TUSC3: variants seen among roughly 807,000 people sequenced by gnomAD.
The protein encoded by TUSC3 is dolichyl-diphosphooligosaccharide--protein glycosyltransferase subunit TUSC3.
Under a neutral mutation model 44.8 loss-of-function variants are expected in TUSC3, and 45 were observed. The observed-to-expected ratio is 1.00, with a 90% CI of 0.79 to 1.29. TUSC3 has a LOEUF of 1.29. TUSC3 is among the 50% of genes most tolerant of loss of function. TUSC3 has a pLI of 0.00. For synonymous variants in TUSC3, 212 were observed against 152.9 expected (o/e 1.39, Z -2.85); for missense variants, 519 against 437.9 (o/e 1.19, Z -1.65).
At chr8:15,721,909 A>G (rs1427021935) in intron 6 of TUSC3, among the ~76,000 whole-genome samples, 1 of 151,984 alleles carries the variant, frequency 6.6e-6, no homozygotes, top group Non-Finnish European at 1.5e-5. Context: ...GTATATATAT[A>G]CAAATATATA....
chr8:15,464,051 C>G (rs4831724), intron 1 of TUSC3, among the ~76,000 whole-genome samples: 41,190 of 152,064 alleles, frequency 0.27, 6,070 homozygotes, highest in Admixed American at 0.35. Context: ...GTCTATCAAA[C>G]TGTACTCTAA....
At chr8:15,624,306 A>T (rs1805392545) in intron 2 of TUSC3, among the ~76,000 whole-genome samples, 1 of 152,116 alleles carries the variant, frequency 6.6e-6, no homozygotes, top group South Asian at 2.1e-4. Context: ...TTTTATGTGA[A>T]CTTACCGTTT....
chr8:15,518,129 G>C (rs1585073386), intron 2 of TUSC3, among the ~76,000 whole-genome samples: 1 of 151,960 alleles, frequency 6.6e-6, no homozygotes, highest in African/African-American at 2.4e-5. Flanking sequence ...AATTCCATGT[G>C]GGCTTTTGTA....
chr8:15,433,222 G>A (rs912167980), intron 1 of TUSC3, among the ~76,000 whole-genome samples: 1 of 151,788 alleles, frequency 6.6e-6, no homozygotes, highest in African/African-American at 2.4e-5. Context: ...CTTTTCCATT[G>A]TGGAAATGTA....
chr8:15,834,395 T>C, the TUSC3 span, among the ~76,000 whole-genome samples: 1 of 152,178 alleles, frequency 6.6e-6, no homozygotes, highest in African/African-American at 2.4e-5. Flanking sequence ...AACAAATCTG[T>C]AGTGACCATA....
intron 1 of TUSC3, among the ~76,000 whole-genome samples, chr8:15,426,759 G>A (rs1799809022): frequency 6.6e-6 from 1 of 152,288 alleles, no homozygotes; most frequent in East Asian, 1.9e-4. Context: ...AAGTGGGATT[G>A]CTAGATAATA....
At chr8:15,573,259 C>G (rs1359741830) in intron 1 of TUSC3, among the ~76,000 whole-genome samples, 2 of 133,194 alleles carry the variant, frequency 1.5e-5, no homozygotes, top group African/African-American at 2.8e-5. Flanking sequence ...GGCATACCAT[C>G]AAGTCACTCC....
At chr8:15,643,176 C>T (rs1461962880) in intron 2 of TUSC3, among the ~76,000 whole-genome samples, 1 of 152,152 alleles carries the variant, frequency 6.6e-6, no homozygotes, top group Non-Finnish European at 1.5e-5. Context: ...CTTTTGCCTT[C>T]CGCCATGATC....
At chr8:15,654,792 A>G (rs1438261473) in intron 3 of TUSC3, among the ~76,000 whole-genome samples, 1 of 151,976 alleles carries the variant, frequency 6.6e-6, no homozygotes, top group African/African-American at 2.4e-5. Context: ...GCAAGACTCC[A>G]TCTCAAAAAA....
At chr8:15,569,191 T>C (rs1227820864) in intron 1 of TUSC3, among the ~76,000 whole-genome samples, 1 of 152,194 alleles carries the variant, frequency 6.6e-6, no homozygotes, top group Non-Finnish European at 1.5e-5. Context: ...TCCCATCTGC[T>C]TCTGCATTTG....
chr8:15,743,380 C>A, intron 7 of TUSC3, 158 bp from the exon 8 acceptor site: 1 of 757,020 alleles, frequency 1.3e-6, no homozygotes. Context: ...TATTTGCTCA[C>A]AAAGAATGGT....
chr8:15,697,692 T>A (rs961316467), intron 6 of TUSC3, among the ~76,000 whole-genome samples: 1 of 152,226 alleles, frequency 6.6e-6, no homozygotes, highest in African/African-American at 2.4e-5. Flanking sequence ...TACATTTTAT[T>A]ATCTGTTTAG....
chr8:15,581,365 C>T (rs1377224606), intron 1 of TUSC3, among the ~76,000 whole-genome samples: 1 of 150,166 alleles, frequency 6.7e-6, no homozygotes, highest in Non-Finnish European at 1.5e-5. Context: ...TGGTGAGGAA[C>T]TGCGTTCCTT....
chr8:15,641,957 A>G (rs1157804048), intron 2 of TUSC3, among the ~76,000 whole-genome samples: 1 of 152,250 alleles, frequency 6.6e-6, no homozygotes, highest in Non-Finnish European at 1.5e-5. Flanking sequence ...TGGTGGTAAC[A>G]TGAATGTGTA....
intron 6 of TUSC3, among the ~76,000 whole-genome samples, chr8:15,701,911 G>A (rs1809423502): frequency 6.6e-6 from 1 of 152,000 alleles, no homozygotes; most frequent in African/African-American, 2.4e-5. Context: ...TATTTTTTTG[G>A]TTTACAGTCT....
At chr8:15,527,136 TAAAAG>T (rs1427161393) in intron 2 of TUSC3, among the ~76,000 whole-genome samples, 7 of 152,224 alleles carry the variant, frequency 4.6e-5, no homozygotes, top group Non-Finnish European at 7.3e-5. Context: ...CTGTCCCACT[TAAAAG>T]AAAACAATAG....
At chr8:15,803,346 T>C in the TUSC3 span, among the ~76,000 whole-genome samples, 5 of 152,214 alleles carry the variant, frequency 3.3e-5, no homozygotes, top group Non-Finnish European at 7.3e-5. Flanking sequence ...ATTAGACAGA[T>C]AAGCATACAT....
At chr8:15,840,274 G>A in the TUSC3 span, among the ~76,000 whole-genome samples, 3 of 152,136 alleles carry the variant, frequency 2.0e-5, no homozygotes, top group Non-Finnish European at 4.4e-5. Context: ...CATGCCTAAT[G>A]TAAGTGATGA....
At chr8:15,807,352 CACA>C in the TUSC3 span, 120 of 382,046 alleles carry the variant, frequency 3.1e-4, no homozygotes, top group Non-Finnish European at 3.7e-4. Flanking sequence ...AGTCAACAAC[CACA>C]ACAACAACAA....
Sources: gnomAD v4.1 joint callset for allele counts (sites outside exome capture counted in the v4.1 genomes callset) on GRCh38, gnomAD v4.1.1 for gene constraint, MANE v1.5 for transcripts, NCBI Gene and HGNC (gene_info 2026-07-23, HGNC 2026-07-21) for gene names.